The following NFIX variants were observed in gnomAD, a reference collection of about 807,000 sequenced individuals.
NFIX encodes the protein nuclear factor 1 X-type.
A neutral mutation model predicts 53.3 loss-of-function variants in NFIX; 2 were observed. The ratio of observed to expected loss-of-function variants is 0.04; its 90% confidence interval spans 0.02 to 0.12. NFIX has a LOEUF of 0.12. Ranked by LOEUF, NFIX falls within the 10% of genes least tolerant of loss-of-function variation. NFIX has a pLI of 1.00. For synonymous variants in NFIX, 244 were observed against 289.0 expected (o/e 0.84, Z 1.58); for missense variants, 310 against 674.5 (o/e 0.46, Z 5.99).
Position 13,028,169 on chromosome 19 carries a change from C to T in NFIX, c.559+2617C>T, listed in dbSNP as rs921647987. ...CTGTGGCTGAGCCACCAAAGAGCAT[C>T]GATCTGTGGGCACCACTTTCTCCAT... On this transcript the variant is annotated intron_variant, in intron 2 of 10. Coordinates refer to ENST00000592199, the MANE Select transcript of NFIX (RefSeq NM_001365902.3). The surrounding 1 kb of genome is among the most constrained non-coding windows in gnomAD (Gnocchi z 4.2). Among the ~76,000 whole-genome samples, 1 of 152,196 alleles carries T rather than the reference C, an allele frequency of 6.6e-6. No homozygotes were observed. The highest frequency in any genetic ancestry group is 1.5e-5 in the Non-Finnish European group (1 of 68,034).
chr19:13,024,388 G>A, intron 1 of NFIX: 1 of 744,528 alleles, frequency 1.3e-6, no homozygotes, highest in Non-Finnish European at 1.6e-6. Context: ...AAATGTTGGG[G>A]TGGATGTTCC....
rs1335545349 is a variant in NFIX at position 13,009,065 on chromosome 19, C to G, written c.27+13201C>G. The stretch of plus-strand genomic sequence containing the variant: ...CTCACAGTCAACGCCCGCAACACCC[C>G]GCCACCCGCAGTCTGTCGCGCAGTG... On this transcript the variant is annotated intron_variant, in intron 1 of 10. Coordinates refer to ENST00000592199, the MANE Select transcript of NFIX (RefSeq NM_001365902.3). This position sits in a 1 kb window ranked among gnomAD's most constrained non-coding sequence, Gnocchi z 4.7. Among the ~76,000 whole-genome samples, 1 of 152,220 alleles carries G rather than the reference C, an allele frequency of 6.6e-6. No individual in the cohort carries two copies. Among genetic ancestry groups the G allele is most frequent in the Non-Finnish European group, 1.5e-5 (1 of 68,034 alleles).
At position 13,088,019 on chromosome 19, in the gene NFIX, G is replaced by C; in HGVS notation, c.1285G>C (p.Gly429Arg). The C allele has an allele frequency of 6.5e-7, 1 of 1,536,106 alleles. No homozygotes were observed. The highest frequency in any genetic ancestry group is 8.7e-7 in the Non-Finnish European group (1 of 1,146,892). Residue 429 changes from glycine (G) to arginine (R), a missense_variant, in exon 9 of 11, where the codon GGG (glycine) becomes CGG (arginine). Around this residue, in one of 5 missense-constraint regions of NFIX, gnomAD observed 35 missense variants for 114.8 expected, o/e 0.30. Transcript: ENST00000592199. The surrounding 1 kb of genome is among the most constrained non-coding windows in gnomAD (Gnocchi z 5.9). The part of the protein sequence containing the change: ...PNGSGQGKVP[G>R]SFLLPPPPPV... ...CGGTAGCGGCCAGGGCAAAGTCCCG[G>C]GGTCATTTTTGCTACCGCCGCCGCC...
chr19:13,031,077 T>C (rs879760163), intron 2 of NFIX, among the ~76,000 whole-genome samples: 1 of 152,214 alleles, frequency 6.6e-6, no homozygotes, highest in Non-Finnish European at 1.5e-5. Flanking sequence ...AGAACAGAAA[T>C]GCCCAGACCC....
Position 13,014,225 on chromosome 19 carries a change from G to C in NFIX, c.28-10796G>C, listed in dbSNP as rs926716767. On this transcript the variant is annotated intron_variant, in intron 1 of 10. Transcript: ENST00000592199. This position sits in a 1 kb window ranked among gnomAD's most constrained non-coding sequence, Gnocchi z 4.4. ...TCTCACCCGCCGTTCCCTCCGCTCC[G>C]GTCTGATTCGCAAATCCCCAAACTG... 7.9e-5 allele frequency: 12 copies of C among 152,010 alleles called. No homozygotes were observed. Among genetic ancestry groups the C allele is most frequent in the Non-Finnish European group, 5.9e-5 (4 of 68,006 alleles). 9.4% of individuals were successfully genotyped at this position (152,010 alleles called of 1,614,324 possible). A position where few individuals can be genotyped will look rare whatever the true frequency, so the allele number is the denominator to read the frequency against.
chr19:13,095,566 C>T lies in NFIX; in HGVS notation c.*917C>T, dbSNP rs1374985813. The stretch of plus-strand genomic sequence containing the variant: ...CAGGTCGCCCCCGCCCCCAGCCCTG[C>T]ATGCAGGTGCCCTCGCTCCGCCCCA... On this transcript the variant is annotated 3_prime_UTR_variant, in exon 11 of 11. Coordinates refer to ENST00000592199, the MANE Select transcript of NFIX (RefSeq NM_001365902.3). The T allele has an allele frequency of 1.3e-5, 2 of 152,386 alleles. No individual in the cohort carries two copies. The highest frequency in any genetic ancestry group is 4.8e-5 in the African/African-American group (2 of 41,468). 9.4% of individuals were successfully genotyped at this position (152,386 alleles called of 1,614,324 possible). A position where few individuals can be genotyped will look rare whatever the true frequency, so the allele number is the denominator to read the frequency against.
chr19:13,088,542 T>C lies in NFIX; in HGVS notation c.1402+406T>C, dbSNP rs1000149885. Reference sequence around the variant, plus strand: ...TTTTTTAATTTTTTTGTTGTTTCGTTGTTCCCCCCACACCAAGAAAATCAA... The same window carrying C: ...TTTTTTAATTTTTTTGTTGTTTCGTCGTTCCCCCCACACCAAGAAAATCAA... On this transcript the variant is annotated intron_variant, in intron 9 of 10. Coordinates refer to ENST00000592199, the MANE Select transcript of NFIX (RefSeq NM_001365902.3). This position sits in a 1 kb window ranked among gnomAD's most constrained non-coding sequence, Gnocchi z 5.9. 3.3e-5 allele frequency among the ~76,000 whole-genome samples: 5 copies of C among 151,734 alleles called. No homozygotes were observed. Among genetic ancestry groups the C allele is most frequent in the Non-Finnish European group, 7.4e-5 (5 of 67,938 alleles).
intron 2 of NFIX, among the ~76,000 whole-genome samples, chr19:13,061,692 A>C (rs970523802): frequency 3.3e-5 from 5 of 152,242 alleles, no homozygotes; most frequent in Non-Finnish European, 5.9e-5. Flanking sequence ...GGAATTTGGC[A>C]GCTGTCAGTC....
chr19:13,008,235 G>C lies in NFIX; in HGVS notation c.27+12371G>C, dbSNP rs539571864. Among the ~76,000 whole-genome samples, 177 of 152,256 alleles carry C rather than the reference G, an allele frequency of 1.2e-3. 3 individuals carry two copies. In the Middle Eastern group the frequency reaches 0.02, roughly 18 times the overall value. Reference sequence around the variant, plus strand: ...GGGCTTGAGGGGGTGCTGGGATGAGGCCCCCAGCCTCAGTTTCCCCATCCA... The same window carrying C: ...GGGCTTGAGGGGGTGCTGGGATGAGCCCCCCAGCCTCAGTTTCCCCATCCA... On this transcript the variant is annotated intron_variant, in intron 1 of 10. Coordinates refer to ENST00000592199, the MANE Select transcript of NFIX (RefSeq NM_001365902.3).
chr19:13,053,627 T>TGTAGAG (rs2015464556), intron 2 of NFIX, among the ~76,000 whole-genome samples: 1 of 152,014 alleles, frequency 6.6e-6, no homozygotes, highest in Non-Finnish European at 1.5e-5. Context: ...CCCAGCAGCA[T>TGTAGAG]GTAGAGGTAG....
At chr19:13,030,476 G>T (rs1183360362) in intron 2 of NFIX, among the ~76,000 whole-genome samples, 1 of 152,174 alleles carries the variant, frequency 6.6e-6, no homozygotes, top group Admixed American at 6.5e-5. Context: ...TCTCTTAAGG[G>T]ATGACCCAGG....
intron 1 of NFIX, among the ~76,000 whole-genome samples, chr19:12,997,373 G>A (rs913880758): frequency 4.6e-5 from 7 of 152,234 alleles, no homozygotes; most frequent in East Asian, 1.9e-4. Context: ...CCCAGGGAGC[G>A]GGTTTTCCTG....
intron 2 of NFIX, chr19:13,071,389 A>G (rs1270108489): frequency 6.6e-6 from 1 of 152,144 alleles, no homozygotes; most frequent in East Asian, 1.9e-4. Flanking sequence ...ACACCATGCT[A>G]TGGCACAGAG....
In NFIX at chr19:12,995,543, A is replaced by AGCGGCGGCGGCATGGAGTAGACGC. The variant is rs1255111113; in HGVS notation, c.-286_-263dup. On this transcript the variant is annotated 5_prime_UTR_variant, in exon 1 of 11. In the 5' UTR this introduces an upstream ATG that the reference lacks. Transcript: ENST00000592199. ...GGCGGCGGGCGAGGGTGACCGGCCG[A>AGCGGCGGCGGCATGGAGTAGACGC]GCGGCGGCGGCATGGAGTAGACGCG... 6.9e-6 allele frequency: 1 copy of AGCGGCGGCGGCATGGAGTAGACGC among 145,186 alleles called. No homozygotes were observed. Among genetic ancestry groups the AGCGGCGGCGGCATGGAGTAGACGC allele is most frequent in the Non-Finnish European group, 1.5e-5 (1 of 67,032 alleles). 9.0% of individuals were successfully genotyped at this position (145,186 alleles called of 1,614,324 possible). A position where few individuals can be genotyped will look rare whatever the true frequency, so the allele number is the denominator to read the frequency against.
Position 13,098,250 on chromosome 19 carries a change from G to C in NFIX, c.*3601G>C, listed in dbSNP as rs2018582095. The C allele has an allele frequency of 8.0e-6, 1 of 124,572 alleles. No individual in the cohort carries two copies. Among genetic ancestry groups the C allele is most frequent in the African/African-American group, 3.2e-5 (1 of 31,740 alleles). 7.7% of individuals were successfully genotyped at this position (124,572 alleles called of 1,614,324 possible). A position where few individuals can be genotyped will look rare whatever the true frequency, so the allele number is the denominator to read the frequency against. ...AATCGAGAGCCCGAGGGGCACCCCA[G>C]CCCCGCCTCTGCTCCCCCCCACCCC... On this transcript the variant is annotated 3_prime_UTR_variant, in exon 11 of 11. Transcript: ENST00000592199.
In NFIX at chr19:13,089,112, C is replaced by T. The variant is rs1286180281; in HGVS notation, c.1402+976C>T. Among the ~76,000 whole-genome samples, 1 of 152,082 alleles carries T rather than the reference C, an allele frequency of 6.6e-6. No homozygotes were observed. Among genetic ancestry groups the T allele is most frequent in the African/African-American group, 2.4e-5 (1 of 41,400 alleles). ...TTCTCGTGGTTTGAGTTCTTTTCCC[C>T]TCTCCATCCTCTTCATGCCATCTTC... is the stretch of plus-strand genomic sequence containing the variant. On this transcript the variant is annotated intron_variant, in intron 9 of 10. Transcript: ENST00000592199. This position sits in a 1 kb window ranked among gnomAD's most constrained non-coding sequence, Gnocchi z 4.8.
At chr19:13,007,781 TG>T (rs2145146494) in intron 1 of NFIX, among the ~76,000 whole-genome samples, 1 of 152,252 alleles carries the variant, frequency 6.6e-6, no homozygotes, top group East Asian at 1.9e-4. Context: ...AAATGTTATT[TG>T]AGGACGGCCT....
Position 13,078,556 on chromosome 19 carries a change from C to T in NFIX, c.956-57C>T. ...AGCGAGCTGCTGGCTTCCCGCCTTC[C>T]CCGCACCCACCCCAGCCCAGCTAAA... On this transcript the variant is annotated intron_variant, in intron 6 of 10. Coordinates refer to ENST00000592199, the MANE Select transcript of NFIX (RefSeq NM_001365902.3). The surrounding 1 kb of genome is among the most constrained non-coding windows in gnomAD (Gnocchi z 4.7). 1 of 1,552,712 alleles carries T rather than the reference C, an allele frequency of 6.4e-7. No individual in the cohort carries two copies. Among genetic ancestry groups the T allele is most frequent in the South Asian group, 1.2e-5 (1 of 84,004 alleles).
In NFIX at chr19:13,067,308, A is replaced by T. The variant is rs938546630; in HGVS notation, c.560-5739A>T. On this transcript the variant is annotated intron_variant, in intron 2 of 10. Coordinates refer to ENST00000592199, the MANE Select transcript of NFIX (RefSeq NM_001365902.3). The surrounding 1 kb of genome is among the most constrained non-coding windows in gnomAD (Gnocchi z 4.2). ...GGCCTGGGAGGGCCAGGGGATGGGC[A>T]GGCACACCCCAAGGGCTGTTCTCCC... Among the ~76,000 whole-genome samples, 2 of 152,206 alleles carry T rather than the reference A, an allele frequency of 1.3e-5. No individual in the cohort carries two copies. The highest frequency in any genetic ancestry group is 1.3e-4 in the Admixed American group (2 of 15,284).
Sources: allele counts gnomAD v4.1 joint callset (sites outside exome capture counted in the v4.1 genomes callset), GRCh38; gene constraint gnomAD v4.1.1; regional missense constraint gnomAD v4.1.1; non-coding constraint Gnocchi (gnomAD v3.1); transcripts MANE v1.5; gene names NCBI Gene and HGNC (gene_info 2026-07-23, HGNC 2026-07-21).